CLNK: variants seen among roughly 807,000 people sequenced by gnomAD.
CLNK encodes the protein cytokine dependent hematopoietic cell linker.
CLNK carries 74 observed loss-of-function variants against 68.6 expected under a neutral mutation model. The observed-to-expected ratio is 1.08, with a 90% CI of 0.89 to 1.31. The LOEUF (loss-of-function observed/expected upper bound fraction) is 1.31, where lower values mean the gene tolerates loss of function less well. CLNK is among the 50% of genes most tolerant of loss of function. The pLI is 0.00. For synonymous variants in CLNK, 198 were observed against 172.2 expected, an observed-to-expected ratio of 1.15 and a Z score of -1.17; for missense variants, 553 against 515.3, an observed-to-expected ratio of 1.07 and a Z score of -0.71.
intron 3 of CLNK, among the ~76,000 whole-genome samples, chr4:10,590,066 T>G (rs1179477560): frequency 6.6e-6 from 1 of 152,110 alleles, no homozygotes; most frequent in African/African-American, 2.4e-5. Flanking sequence ...CCTCTCTATT[T>G]CCGGTGTATA....
chr4:10,731,325 C>G, the CLNK span, among the ~76,000 whole-genome samples: 54,380 of 152,126 alleles, frequency 0.36, 11,487 homozygotes, highest in African/African-American at 0.6. Flanking sequence ...GACAGTCTCT[C>G]GCAATGCAAC....
intron 1 of CLNK, among the ~76,000 whole-genome samples, chr4:10,679,034 G>C (rs758647547): frequency 2.0e-5 from 3 of 152,000 alleles, no homozygotes; most frequent in Non-Finnish European, 2.9e-5. Flanking sequence ...TCATATGGAA[G>C]CAAACAAGAG....
chr4:10,612,506 T>C (rs1460407382), intron 2 of CLNK, among the ~76,000 whole-genome samples: 1 of 152,246 alleles, frequency 6.6e-6, no homozygotes, highest in African/African-American at 2.4e-5. Flanking sequence ...AGGCAAAGTA[T>C]ATTGTTTGCA....
At chr4:10,652,921 G>A (rs1487185797) in intron 2 of CLNK, among the ~76,000 whole-genome samples, 5 of 152,110 alleles carry the variant, frequency 3.3e-5, no homozygotes, top group Admixed American at 6.5e-5. Flanking sequence ...GTTCACAACA[G>A]CAAAGACTTG....
At chr4:10,588,214 G>A (rs1057159368) in intron 3 of CLNK, among the ~76,000 whole-genome samples, 5 of 152,204 alleles carry the variant, frequency 3.3e-5, no homozygotes, top group African/African-American at 1.2e-4. Flanking sequence ...CTGAGCTCGG[G>A]AATTTTGAAG....
intron 15 of CLNK, among the ~76,000 whole-genome samples, chr4:10,514,803 A>G (rs532645266): frequency 6.6e-6 from 1 of 152,008 alleles, no homozygotes; most frequent in South Asian, 2.1e-4. Context: ...CTACCATCAG[A>G]GTGAACAGGC....
the CLNK span, among the ~76,000 whole-genome samples, chr4:10,709,729 C>T: frequency 6.6e-6 from 1 of 152,250 alleles, no homozygotes; most frequent in Middle Eastern, 3.4e-3. Flanking sequence ...GGACTGCACA[C>T]TTTTCTTAGC....
intron 2 of CLNK, among the ~76,000 whole-genome samples, chr4:10,643,116 G>A (rs1032140783): frequency 1.3e-5 from 2 of 152,160 alleles, no homozygotes; most frequent in Non-Finnish European, 2.9e-5. Context: ...TCGCCTTCAC[G>A]TTTTGTCTGC....
At chr4:10,663,102 G>A (rs1724256669) in intron 2 of CLNK, among the ~76,000 whole-genome samples, 1 of 152,164 alleles carries the variant, frequency 6.6e-6, no homozygotes, top group Non-Finnish European at 1.5e-5. Flanking sequence ...CAGCGTCAAG[G>A]TTCTTATCAG....
chr4:10,507,982 C>CTTCCACT lies in CLNK; in HGVS notation c.954_960dup (p.Glu321SerfsTer13). The CTTCCACT allele has an allele frequency of 6.2e-7, 1 of 1,610,118 alleles. No individual in the cohort carries two copies. Among genetic ancestry groups the CTTCCACT allele is most frequent in the Admixed American group, 1.7e-5 (1 of 59,586 alleles). The stretch of plus-strand genomic sequence containing the variant: ...ACCTTGTTCTCCTTCATGAATGCCT[C>CTTCCACT]TTCCACTGCCTGGCGGCTGTATTCT... On this transcript the variant is annotated frameshift_variant, in exon 17 of 19. Coordinates refer to ENST00000226951, the MANE Select transcript of CLNK (RefSeq NM_052964.4). LOFTEE classifies it high-confidence loss of function.
intron 4 of CLNK, among the ~76,000 whole-genome samples, 175 bp downstream of exon 4, chr4:10,584,752 C>G (rs6816045): frequency 0.22 from 33,910 of 152,104 alleles, 4,041 homozygotes; most frequent in African/African-American, 0.29. Context: ...AAGCTTTGGA[C>G]AGTCACAGAT....
intron 1 of CLNK, among the ~76,000 whole-genome samples, chr4:10,680,193 A>G (rs13139864): frequency 0.49 from 74,829 of 151,756 alleles, 18,613 homozygotes; most frequent in South Asian, 0.54. Context: ...AGCCATAAAA[A>G]ATGATGAGTT....
intron 2 of CLNK, among the ~76,000 whole-genome samples, chr4:10,637,437 A>G (rs1359286358): frequency 1.2e-5 from 1 of 84,208 alleles, no homozygotes. Flanking sequence ...CAATAAAAAA[A>G]GTTTTTTTTT....
At chr4:10,515,410 T>G (rs1560196813) in intron 15 of CLNK, among the ~76,000 whole-genome samples, 2 of 152,226 alleles carry the variant, frequency 1.3e-5, no homozygotes, top group Admixed American at 6.5e-5. Context: ...GTTCCTTTTC[T>G]TAAACATGAC....
At chr4:10,529,946 ATAG>A (rs1369032448) in intron 12 of CLNK, among the ~76,000 whole-genome samples, 1 of 152,176 alleles carries the variant, frequency 6.6e-6, no homozygotes, top group Non-Finnish European at 1.5e-5. Flanking sequence ...GTCAAGTTAA[ATAG>A]TAGTATCTCT....
chr4:10,589,437 G>A (rs1326123513), intron 3 of CLNK, among the ~76,000 whole-genome samples: 1 of 152,186 alleles, frequency 6.6e-6, no homozygotes, highest in Non-Finnish European at 1.5e-5. Flanking sequence ...GGGCCCCAGA[G>A]TAATGGTGCT....
At chr4:10,711,494 T>A in the CLNK span, among the ~76,000 whole-genome samples, 2,274 of 152,224 alleles carry the variant, frequency 0.015, 58 homozygotes, top group African/African-American at 0.051. Flanking sequence ...ACACTGAGAG[T>A]CTTAGAAACA....
chr4:10,546,229 C>G (rs963978857), intron 8 of CLNK, among the ~76,000 whole-genome samples: 1 of 152,198 alleles, frequency 6.6e-6, no homozygotes, highest in Admixed American at 6.5e-5. Flanking sequence ...AATTTATCCA[C>G]TCTACTTCTC....
intron 14 of CLNK, 33 bp downstream of exon 14, chr4:10,525,808 C>T: frequency 7.3e-7 from 1 of 1,371,594 alleles, no homozygotes; most frequent in Non-Finnish European, 1.0e-6. Context: ...ACCCCTCAGC[C>T]TCAGACCTGA....
Sources: gnomAD v4.1 joint callset for allele counts (sites outside exome capture counted in the v4.1 genomes callset) on GRCh38, gnomAD v4.1.1 for gene constraint, MANE v1.5 for transcripts, NCBI Gene and HGNC (gene_info 2026-07-23, HGNC 2026-07-21) for gene names.